NAV3: variants seen among roughly 807,000 people sequenced by gnomAD.
The protein encoded by NAV3 is pore membrane and/or filament interacting like protein 1.
A neutral mutation model predicts 244.7 loss-of-function variants in NAV3; 87 were observed. The ratio of observed to expected loss-of-function variants is 0.36; its 90% CI spans 0.30 to 0.42. NAV3 has a LOEUF of 0.42. Among genes scored for constraint, NAV3 ranks in the 20% least tolerant of loss-of-function variants. NAV3 has a pLI of 1.00. For synonymous variants in NAV3, 1,126 were observed against 1,042.2 expected, an observed-to-expected ratio of 1.08 and a Z score of -1.55; for missense variants, 2,663 against 2,893.3, an observed-to-expected ratio of 0.92 and a Z score of 1.83.
Position 77,779,138 on chromosome 12 carries a change from C to T in NAV3, c.73-161181C>T, listed in dbSNP as rs187695258. 4.6e-5 allele frequency among the ~76,000 whole-genome samples: 7 copies of T among 152,108 alleles called. No homozygotes were observed. The East Asian group carries it at 5.8e-4, about 13-fold the overall frequency. On this transcript the variant is annotated intron_variant, in intron 2 of 8. Coordinates refer to the NAV3 transcript ENST00000550042. ...GGCAATCTGTCATATTTCTTGTTTCCGCTACAAATATTGGTTTGGGATAGA... is the reference window on the plus strand; with the variant it reads ...GGCAATCTGTCATATTTCTTGTTTCTGCTACAAATATTGGTTTGGGATAGA...
Position 78,205,023 on chromosome 12 carries a change from G to A in NAV3, c.6923G>A (p.Ser2308Asn). 1.9e-6 allele frequency: 3 copies of A among 1,613,622 alleles called. No individual in the cohort carries two copies. The highest frequency in any genetic ancestry group is 2.5e-6 in the Non-Finnish European group (3 of 1,179,778). ...AGCTCAGCAACTCTGCCTCAGGAGAGCCCAGCCTTACTTCAGCTGCGACCA... is the reference window on the plus strand; with the variant it reads ...AGCTCAGCAACTCTGCCTCAGGAGAACCCAGCCTTACTTCAGCTGCGACCA... ...PWSSATLPQE[S>N]PALLQLRPED... is the part of the protein sequence containing the mutation. The change falls in exon 39 of 40, where the codon AGC becomes AAC. Residue 2308 changes from serine to asparagine, a missense_variant. Transcript: ENST00000397909.
chr12:77,716,198 T>C (rs967901016), intron 2 of NAV3, among the ~76,000 whole-genome samples: 1 of 152,008 alleles, frequency 6.6e-6, no homozygotes. Context: ...AAATTAAATG[T>C]CATGATATCT....
chr12:77,858,083 T>G (rs1046961952), intron 1 of NAV3, among the ~76,000 whole-genome samples: 4 of 152,116 alleles, frequency 2.6e-5, no homozygotes, highest in African/African-American at 7.2e-5. Flanking sequence ...AAGGGGTCAC[T>G]TCTATAGGAG....
chr12:78,095,045 TTATA>T (rs368659738), intron 12 of NAV3, among the ~76,000 whole-genome samples: 3 of 123,866 alleles, frequency 2.4e-5, no homozygotes, highest in Non-Finnish European at 3.5e-5. Context: ...CCATATCAAA[TTATA>T]TATATATATA....
At chr12:77,770,619 C>T (rs566049880) in intron 2 of NAV3, among the ~76,000 whole-genome samples, 48 of 152,268 alleles carry the variant, frequency 3.2e-4, no homozygotes, top group African/African-American at 1.2e-3. Flanking sequence ...CACACCTACA[C>T]CACAGCGTTT....
intron 8 of NAV3, among the ~76,000 whole-genome samples, chr12:78,020,432 T>C (rs1876955791): frequency 6.6e-6 from 1 of 152,198 alleles, no homozygotes; most frequent in Non-Finnish European, 1.5e-5. Flanking sequence ...GTTTATGCTC[T>C]TTATATTCAG....
chr12:77,913,991 T>G (rs1406728797), intron 1 of NAV3, among the ~76,000 whole-genome samples: 27 of 152,054 alleles, frequency 1.8e-4, no homozygotes, highest in Admixed American at 1.8e-3. Context: ...TTCTTTATTC[T>G]TTGTGGATCT....
At chr12:77,781,889 T>C (rs2135917187) in intron 2 of NAV3, among the ~76,000 whole-genome samples, 1 of 152,276 alleles carries the variant, frequency 6.6e-6, no homozygotes, top group Admixed American at 6.5e-5. Context: ...ACAAGTTTTC[T>C]GTAATATAAA....
At chr12:78,202,638 T>G (rs905555668) in intron 38 of NAV3, among the ~76,000 whole-genome samples, 4 of 152,098 alleles carry the variant, frequency 2.6e-5, no homozygotes, top group Non-Finnish European at 5.9e-5. Context: ...TAAAAATGTC[T>G]CATTTCTTGC....
chr12:77,744,679 C>T (rs867829220), intron 2 of NAV3, among the ~76,000 whole-genome samples: 29 of 151,614 alleles, frequency 1.9e-4, no homozygotes, highest in South Asian at 8.3e-4. Flanking sequence ...TTTTTGCAAC[C>T]GAATTTTAAG....
chr12:77,906,150 A>G (rs975578208), intron 1 of NAV3, among the ~76,000 whole-genome samples: 2 of 152,160 alleles, frequency 1.3e-5, no homozygotes, highest in South Asian at 4.1e-4. Flanking sequence ...TTGCAAAGAA[A>G]ACCAATTTCT....
chr12:78,100,537 AAG>A (rs929677933), intron 12 of NAV3, among the ~76,000 whole-genome samples: 54 of 152,170 alleles, frequency 3.5e-4, no homozygotes, highest in African/African-American at 1.2e-3. Context: ...TCAAAAACTG[AAG>A]AGTGTCACAA....
At chr12:77,794,255 GTATTA>G (rs1300391450) in intron 2 of NAV3, among the ~76,000 whole-genome samples, 3 of 152,118 alleles carry the variant, frequency 2.0e-5, no homozygotes, top group African/African-American at 7.2e-5. Context: ...AGTTTCCAAT[GTATTA>G]TATTAGGGAA....
intron 2 of NAV3, among the ~76,000 whole-genome samples, chr12:77,680,663 G>T (rs1874409066): frequency 6.6e-6 from 1 of 152,184 alleles, no homozygotes; most frequent in Admixed American, 6.5e-5. Flanking sequence ...GAAGAATGCT[G>T]TCTTCTTTGT....
intron 18 of NAV3, among the ~76,000 whole-genome samples, chr12:78,130,085 AT>A (rs944760477): frequency 7.2e-5 from 11 of 152,188 alleles, no homozygotes; most frequent in African/African-American, 2.7e-4. Context: ...TGAGCCTTGT[AT>A]TTTCCAGGTT....
intron 6 of NAV3, 145 bp from the exon 7 acceptor site, chr12:77,998,192 C>CTAT (rs1294177343): frequency 4.1e-6 from 2 of 482,130 alleles, no homozygotes; most frequent in African/African-American, 4.0e-5. Flanking sequence ...TTGTGCTTAG[C>CTAT]TATTTATTTG....
intron 2 of NAV3, among the ~76,000 whole-genome samples, chr12:77,670,133 A>T (rs529010537): frequency 1.2e-4 from 19 of 152,122 alleles, no homozygotes; most frequent in Non-Finnish European, 1.9e-4. Flanking sequence ...ATACCACAGA[A>T]ATACAAAAGA....
rs553717374 is a variant in NAV3, at chr12:77,887,732, T to C, written c.244-52587T>C. Among the ~76,000 whole-genome samples the C allele has an allele frequency of 5.3e-5, 8 of 152,246 alleles. No individual in the cohort carries two copies. The South Asian group carries it at 8.3e-4, about 16-fold the overall frequency. ...AAATATTTTTAGAGTTTTAAACTAA[T>C]TCAATATATAAAAATTAATTTAAAA... On this transcript the variant is annotated intron_variant, in intron 1 of 39. Coordinates refer to ENST00000397909, the MANE Select transcript of NAV3 (RefSeq NM_001024383.2).
rs774879991 is a variant in NAV3 at position 78,119,594 on chromosome 12, T to C, written c.3398T>C (p.Leu1133Pro). 1.2e-6 allele frequency: 2 copies of C among 1,614,170 alleles called. No homozygotes were observed. The highest frequency in any genetic ancestry group is 1.7e-6 in the Non-Finnish European group (2 of 1,180,024). ...CTGCATGTTAGCTCAAAGACTACCC[T>C]ACAATATCGCAGCTTGCCCCGCCCT... ...VVLHVSSKTT[L>P]QYRSLPRPSK... Residue 1133 changes from leucine (L) to proline (P), a missense_variant, in exon 15 of 40, where the codon CTA (leucine) becomes CCA (proline). Transcript: ENST00000397909.
Sources: allele counts gnomAD v4.1 joint callset (sites outside exome capture counted in the v4.1 genomes callset), GRCh38; gene constraint gnomAD v4.1.1; transcripts MANE v1.5; gene names NCBI Gene and HGNC (gene_info 2026-07-23, HGNC 2026-07-21).